SLC39A12: variants seen among roughly 807,000 people sequenced by gnomAD.
The protein encoded by SLC39A12 is zinc transporter ZIP12.
SLC39A12 carries 63 observed loss-of-function variants against 71.1 expected under a neutral mutation model. The ratio of observed to expected loss-of-function variants is 0.89; its 90% CI spans 0.72 to 1.09. The LOEUF (loss-of-function observed/expected upper bound fraction) is 1.09. Ranked by LOEUF, SLC39A12 falls within the 50% of genes least tolerant of loss-of-function variation. The pLI, the probability that SLC39A12 is intolerant of heterozygous loss-of-function variation, is 0.00. For synonymous variants in SLC39A12, 351 were observed against 301.3 expected (o/e 1.16, Z -1.71); for missense variants, 892 against 812.6 (o/e 1.10, Z -1.19).
In SLC39A12 at chr10:17,965,560, G is replaced by T; in HGVS notation, c.621G>T (p.Gln207His). The T allele has an allele frequency of 6.2e-7, 1 of 1,614,220 alleles. No homozygotes were observed. The highest frequency in any genetic ancestry group is 8.5e-7 in the Non-Finnish European group (1 of 1,180,028). Residue 207 changes from glutamine to histidine, a missense_variant, in exon 4 of 13, where the codon CAG (glutamine) becomes CAT (histidine). Physicochemically the swap from Gln to His is conservative, Grantham distance 24. Coordinates refer to ENST00000377369, the MANE Select transcript of SLC39A12 (RefSeq NM_001145195.2). ...GTGCTAATGAAAGTACGCTTCCTCA[G>T]TTGGCAGCCATGATCATTACTTTGT... ...SEGANESTLPQLAAMIITLSL... is the reference protein window; with the variant it reads ...SEGANESTLPHLAAMIITLSL...
At chr10:17,990,315 C>T (rs542176613) in intron 7 of SLC39A12, among the ~76,000 whole-genome samples, 7 of 152,074 alleles carry the variant, frequency 4.6e-5, no homozygotes, top group South Asian at 2.1e-4. Flanking sequence ...CATATACACA[C>T]GTACATATAT....
intron 4 of SLC39A12, among the ~76,000 whole-genome samples, chr10:17,974,679 A>T (rs897282494): frequency 1.3e-5 from 2 of 152,158 alleles, no homozygotes; most frequent in Non-Finnish European, 2.9e-5. Context: ...CACAAGCACC[A>T]CTGTGGCCAC....
At chr10:17,986,637 C>T (rs955234136) in intron 6 of SLC39A12, among the ~76,000 whole-genome samples, 9 of 152,186 alleles carry the variant, frequency 5.9e-5, no homozygotes, top group South Asian at 4.1e-4. Context: ...GTGAATTTTG[C>T]GGAGACACAA....
rs200189345 is a variant in SLC39A12 at position 17,952,470 on chromosome 10, TTTTTTTC to T, written c.-87+466_-87+472del. On this transcript the variant is annotated intron_variant, in intron 1 of 12. Coordinates refer to ENST00000377369, the MANE Select transcript of SLC39A12 (RefSeq NM_001145195.2). ...GTGCTTTTCCTTGTCTAAAACTCTT[TTTTTTTC>T]TTTTTTCTTTTTTCTTTTTTTTTTT... Among the ~76,000 whole-genome samples the T allele has an allele frequency of 9.5e-3, 1,415 of 149,122 alleles. 19 individuals are homozygous for T. The highest frequency in any genetic ancestry group is 0.031 in the African/African-American group (1,257 of 40,620).
Position 17,995,662 on chromosome 10 carries a change from C to G in SLC39A12, c.1540C>G (p.Pro514Ala), listed in dbSNP as rs748439563. ...KSASTIQLKS[P>A]EDSQAAEMPI... The stretch of plus-strand genomic sequence containing the variant: ...ATTTTTTAATTTAAAATAGAAAAGC[C>G]CAGAAGATTCACAGGCAGCTGAAAT... The change falls in exon 10 of 13, where the codon CCA becomes GCA. Residue 514 changes from proline (P) to alanine (A), a missense_variant. Physicochemically the swap from Pro to Ala is conservative, Grantham distance 27. Transcript: ENST00000377369. 3 of 1,612,274 alleles carry G rather than the reference C, an allele frequency of 1.9e-6. No homozygotes were observed. The highest frequency in any genetic ancestry group is 1.3e-5 in the African/African-American group (1 of 74,896).
intron 4 of SLC39A12, among the ~76,000 whole-genome samples, chr10:17,968,925 C>G (rs1396949077): frequency 1.3e-5 from 2 of 152,132 alleles, no homozygotes; most frequent in East Asian, 1.9e-4. Flanking sequence ...TACCCATTAA[C>G]TATCCCCCTC....
At chr10:18,016,333 A>G (rs1836382764) in intron 12 of SLC39A12, among the ~76,000 whole-genome samples, 1 of 152,202 alleles carries the variant, frequency 6.6e-6, no homozygotes, top group Admixed American at 6.5e-5. Flanking sequence ...TCATTTCATA[A>G]TACAAATCTG....
intron 6 of SLC39A12, among the ~76,000 whole-genome samples, chr10:17,984,175 A>G (rs997359101): frequency 6.6e-6 from 1 of 152,250 alleles, no homozygotes; most frequent in Non-Finnish European, 1.5e-5. Flanking sequence ...GCACTTATGC[A>G]GGGACCTGCA....
intron 12 of SLC39A12, among the ~76,000 whole-genome samples, chr10:18,019,172 T>C (rs893843378): frequency 6.6e-6 from 1 of 152,102 alleles, no homozygotes; most frequent in Non-Finnish European, 1.5e-5. Flanking sequence ...GTTATCAAAT[T>C]TGGGGGCATA....
intron 12 of SLC39A12, among the ~76,000 whole-genome samples, chr10:18,039,873 C>T (rs116640793): frequency 0.018 from 2,726 of 152,306 alleles, 77 homozygotes; most frequent in African/African-American, 0.062. Flanking sequence ...GCCATGTCCA[C>T]TGTGGATTTT....
chr10:18,005,146 G>T (rs1438424975), intron 12 of SLC39A12, among the ~76,000 whole-genome samples: 1 of 151,988 alleles, frequency 6.6e-6, no homozygotes, highest in African/African-American at 2.4e-5. Context: ...TAGGTGATGG[G>T]TTGATAGGTG....
At chr10:18,016,723 G>T (rs932485930) in intron 12 of SLC39A12, among the ~76,000 whole-genome samples, 3 of 151,996 alleles carry the variant, frequency 2.0e-5, no homozygotes, top group African/African-American at 7.2e-5. Flanking sequence ...TCAGTGTTAC[G>T]GGTTTTGGCC....
At chr10:17,992,573 C>T (rs1835581633) in intron 8 of SLC39A12, among the ~76,000 whole-genome samples, 1 of 152,096 alleles carries the variant, frequency 6.6e-6, no homozygotes, top group Non-Finnish European at 1.5e-5. Context: ...TAACAAATCC[C>T]CACTTATACC....
At chr10:17,975,039 A>C (rs1207151692) in intron 4 of SLC39A12, among the ~76,000 whole-genome samples, 1 of 152,176 alleles carries the variant, frequency 6.6e-6, no homozygotes, top group African/African-American at 2.4e-5. Context: ...CTCTGTGGCC[A>C]GCACCACCAC....
intron 2 of SLC39A12, among the ~76,000 whole-genome samples, chr10:17,954,071 G>T (rs545052420): frequency 6.6e-6 from 1 of 152,050 alleles, no homozygotes; most frequent in African/African-American, 2.4e-5. Flanking sequence ...AGCTGAAGTC[G>T]CACCCATGGC....
chr10:17,986,820 A>G (rs1835410278), intron 6 of SLC39A12, among the ~76,000 whole-genome samples: 1 of 152,136 alleles, frequency 6.6e-6, no homozygotes, highest in African/African-American at 2.4e-5. Context: ...AGCCCAGGTA[A>G]TACAGTGAGA....
intron 2 of SLC39A12, among the ~76,000 whole-genome samples, chr10:17,954,099 C>T (rs989865646): frequency 2.0e-5 from 3 of 152,154 alleles, no homozygotes; most frequent in African/African-American, 7.2e-5. Flanking sequence ...GCCTGAGTCA[C>T]AGCCTGATCT....
At chr10:18,011,513 C>G (rs1836223126) in intron 12 of SLC39A12, among the ~76,000 whole-genome samples, 1 of 152,192 alleles carries the variant, frequency 6.6e-6, no homozygotes, top group African/African-American at 2.4e-5. Context: ...TTCTGGCCAG[C>G]AGTAGGCTAT....
intron 3 of SLC39A12, among the ~76,000 whole-genome samples, chr10:17,965,081 CCTGTAATCCCAG>C (rs1174060788): frequency 1.3e-5 from 2 of 152,126 alleles, no homozygotes; most frequent in Admixed American, 6.5e-5. Context: ...GTGGCAGGCA[CCTGTAATCCCAG>C]CTACTCAGGA....
Sources: allele counts gnomAD v4.1 joint callset (sites outside exome capture counted in the v4.1 genomes callset), GRCh38; gene constraint gnomAD v4.1.1; transcripts MANE v1.5; gene names NCBI Gene and HGNC (gene_info 2026-07-23, HGNC 2026-07-21).